The following ATXN2 variants were observed in gnomAD, a reference collection of about 807,000 sequenced individuals.
The protein encoded by ATXN2 is ataxin-2.
In ATXN2, 37 loss-of-function variants were observed where a neutral mutation model predicts 138.6. The observed-to-expected ratio is 0.27, with a 90% CI of 0.21 to 0.35. The LOEUF is 0.35. Ranked by LOEUF, ATXN2 falls within the 10% of genes least tolerant of loss-of-function variation. ATXN2 has a pLI of 1.00. For missense variants in ATXN2, 1,216 were observed against 1,480.3 expected, an observed-to-expected ratio of 0.82 and a Z score of 2.93; for synonymous variants, 549 against 543.7, an observed-to-expected ratio of 1.01 and a Z score of -0.13.
chr12:111,510,454 G>C lies in ATXN2; in HGVS notation c.1687C>G (p.Pro563Ala). ...GGCGTAGGAGATGCAGCTGGAATAGGCATGGCAACAGCTTCAGTTGGAATA... is the reference window on the plus strand; with the variant it reads ...GGCGTAGGAGATGCAGCTGGAATAGCCATGGCAACAGCTTCAGTTGGAATA... ...GIIPTEAVAM[P>A]IPAASPTPAS... is the part of the protein sequence containing the mutation. The change falls in exon 12 of 25, where the codon CCT becomes GCT. Residue 563 changes from proline (P) to alanine (A), a missense_variant. Pro to Ala is a conservative substitution (Grantham distance 27). This residue lies in a region of ATXN2 where 215 missense variants were observed against 210.0 expected (regional missense o/e 1.02). Transcript: ENST00000673436. The C allele has an allele frequency of 6.2e-7, 1 of 1,614,154 alleles. No individual in the cohort carries two copies. Among genetic ancestry groups the C allele is most frequent in the Non-Finnish European group, 8.5e-7 (1 of 1,180,030 alleles).
intron 7 of ATXN2, 121 bp downstream of exon 7, chr12:111,520,761 A>AG: frequency 1.7e-6 from 1 of 596,694 alleles, no homozygotes; most frequent in East Asian, 3.3e-5. Flanking sequence ...TGGTAATAAG[A>AG]GAAAAATTAT....
chr12:111,586,388 GTT>G (rs759694846), intron 1 of ATXN2, among the ~76,000 whole-genome samples: 11 of 114,850 alleles, frequency 9.6e-5, no homozygotes, highest in Admixed American at 9.6e-5. Context: ...CCCAAGTCTG[GTT>G]TTTTTTTTTT....
At chr12:111,559,974 T>C (rs1469746520) in intron 1 of ATXN2, among the ~76,000 whole-genome samples, 1 of 152,166 alleles carries the variant, frequency 6.6e-6, no homozygotes, top group Non-Finnish European at 1.5e-5. Flanking sequence ...TCATTGGAGA[T>C]AAGTGCTAAA....
At chr12:111,581,644 G>GATCA in intron 1 of ATXN2, 2 of 756,154 alleles carry the variant, frequency 2.6e-6, no homozygotes, top group Non-Finnish European at 4.9e-6. Context: ...ACAAGAAGAT[G>GATCA]GTTGGCGACC....
intron 14 of ATXN2, among the ~76,000 whole-genome samples, chr12:111,502,362 T>C (rs1319788568): frequency 2.6e-5 from 4 of 152,258 alleles, no homozygotes; most frequent in Admixed American, 6.5e-5. Context: ...TTGCTATATA[T>C]GGAATATAGC....
chr12:111,497,197 G>A (rs149744863), intron 14 of ATXN2, among the ~76,000 whole-genome samples: 8 of 152,030 alleles, frequency 5.3e-5, no homozygotes, highest in African/African-American at 1.4e-4. Flanking sequence ...AACAAGTAAC[G>A]AGACCAATAA....
chr12:111,575,227 G>A (rs1200343190), intron 1 of ATXN2, among the ~76,000 whole-genome samples: 1 of 151,954 alleles, frequency 6.6e-6, no homozygotes, highest in Non-Finnish European at 1.5e-5. Flanking sequence ...CTGCTGATAA[G>A]AGGGGCTGGA....
intron 5 of ATXN2, among the ~76,000 whole-genome samples, chr12:111,528,250 A>AT (rs1473329167): frequency 6.6e-6 from 1 of 152,122 alleles, no homozygotes; most frequent in Non-Finnish European, 1.5e-5. Flanking sequence ...ATATAAACGG[A>AT]TTTTTTTCTC....
intron 1 of ATXN2, among the ~76,000 whole-genome samples, chr12:111,572,323 C>T (rs1883370965): frequency 6.6e-6 from 1 of 151,888 alleles, no homozygotes; most frequent in Non-Finnish European, 1.5e-5. Context: ...ATCACTTGAA[C>T]CTGGGAGGCA....
chr12:111,592,823 T>G (rs1884743931), intron 1 of ATXN2, among the ~76,000 whole-genome samples: 1 of 120,656 alleles, frequency 8.3e-6, no homozygotes, highest in East Asian at 2.0e-4. Context: ...GTGTGACTGT[T>G]AATAAACTGT....
At chr12:111,468,673 G>C (rs1320099855) in intron 20 of ATXN2, 1 of 149,564 alleles carries the variant, frequency 6.7e-6, no homozygotes, top group Non-Finnish European at 1.5e-5. Flanking sequence ...TCAAGAAGAA[G>C]GTTTGCCAGA....
At chr12:111,489,263 A>T (rs1406549587) in intron 14 of ATXN2, among the ~76,000 whole-genome samples, 1 of 152,216 alleles carries the variant, frequency 6.6e-6, no homozygotes, top group Non-Finnish European at 1.5e-5. Flanking sequence ...AGTAAAAGGA[A>T]GAGTATGTTT....
chr12:111,567,726 A>C (rs1883093099), intron 1 of ATXN2, among the ~76,000 whole-genome samples: 1 of 151,542 alleles, frequency 6.6e-6, no homozygotes, highest in Admixed American at 6.6e-5. Context: ...ACACAAGAGA[A>C]TCGCTTCAAC....
chr12:111,588,370 T>C (rs1335379839), intron 1 of ATXN2, among the ~76,000 whole-genome samples: 1 of 151,960 alleles, frequency 6.6e-6, no homozygotes, highest in African/African-American at 2.4e-5. Flanking sequence ...AAAGTTAAGG[T>C]TGCCAGGCAT....
At chr12:111,597,696 G>A in intron 1 of ATXN2, 1 of 512,770 alleles carries the variant, frequency 2.0e-6, no homozygotes, top group Non-Finnish European at 3.6e-6. Flanking sequence ...TGAGCCCCCA[G>A]CCCCTACTAC....
chr12:111,542,118 T>C (rs942863709), intron 5 of ATXN2, among the ~76,000 whole-genome samples: 1 of 146,984 alleles, frequency 6.8e-6, no homozygotes, highest in Non-Finnish European at 1.5e-5. Flanking sequence ...ATTGACAACG[T>C]TGTAGTATTA....
intron 21 of ATXN2, chr12:111,457,603 T>C: frequency 2.7e-6 from 1 of 372,154 alleles, no homozygotes. Context: ...ATCAAATTAG[T>C]TTGCATTTAC....
intron 5 of ATXN2, among the ~76,000 whole-genome samples, chr12:111,535,776 G>A (rs904279080): frequency 7.9e-5 from 12 of 151,870 alleles, no homozygotes; most frequent in African/African-American, 2.2e-4. Flanking sequence ...CGAGGTGGGC[G>A]GATCACGAGG....
Position 111,552,227 on chromosome 12 carries a change from T to C in ATXN2, c.571+53A>G. The C allele has an allele frequency of 2.0e-6, 3 of 1,503,858 alleles. No homozygotes were observed. The highest frequency in any genetic ancestry group is 1.8e-6 in the Non-Finnish European group (2 of 1,125,852). 93.2% of individuals were successfully genotyped at this position (1,503,858 alleles called of 1,614,324 possible). On this transcript the variant is annotated intron_variant, in intron 5 of 24. Coordinates refer to ENST00000673436, the MANE Select transcript of ATXN2 (RefSeq NM_001372574.1). The surrounding 1 kb of genome is among the most constrained non-coding windows in gnomAD (Gnocchi z 4.1). The stretch of plus-strand genomic sequence containing the variant: ...TTTGTAAGATCACTGTGAAAATCTT[T>C]GCTTGAATAAATCTAATAAACCATG...
Sources: gnomAD v4.1 joint callset for allele counts (sites outside exome capture counted in the v4.1 genomes callset) on GRCh38, gnomAD v4.1.1 for gene constraint, gnomAD v4.1.1 regional missense constraint, Gnocchi (gnomAD v3.1) non-coding constraint, MANE v1.5 for transcripts, NCBI Gene and HGNC (gene_info 2026-07-23, HGNC 2026-07-21) for gene names.